Variants in TRDN observed in about 807,000 individuals in gnomAD.
TRDN encodes triadin in skeletal muscle.
TRDN carries 161 observed loss-of-function variants against 149.7 expected under a neutral mutation model. The ratio of observed to expected loss-of-function variants is 1.08; its 90% CI spans 0.95 to 1.23. The LOEUF (loss-of-function observed/expected upper bound fraction) is 1.23, where lower values mean the gene tolerates loss of function less well. TRDN is among the 50% of genes most tolerant of loss of function. TRDN has a pLI of 0.00. For synonymous variants in TRDN, 294 were observed against 250.5 expected (o/e 1.17, Z -1.64); for missense variants, 896 against 823.5 (o/e 1.09, Z -1.08).
At chr6:123,443,659 C>G (rs1027994327) in intron 10 of TRDN, among the ~76,000 whole-genome samples, 1 of 151,834 alleles carries the variant, frequency 6.6e-6, no homozygotes, top group African/African-American at 2.4e-5. Flanking sequence ...AGGGGTCAAA[C>G]GTTTAAGTCT....
rs561393276 is a variant in TRDN at position 123,449,760 on chromosome 6, A to G, written c.932-10757T>C. 8.5e-4 allele frequency among the ~76,000 whole-genome samples: 129 copies of G among 152,270 alleles called. 1 individual carries two copies. Among genetic ancestry groups the G allele is most frequent in the Non-Finnish European group, 1.5e-3 (100 of 68,006 alleles). On this transcript the variant is annotated intron_variant, in intron 10 of 40. Coordinates refer to ENST00000334268, the MANE Select transcript of TRDN (RefSeq NM_006073.4). ...TGCAAAAAGATCATCACCTAGGCAC[A>G]TTGTCATCAGGTTATCCAAAGTTAA...
chr6:123,526,496 G>A (rs763623305), intron 5 of TRDN, among the ~76,000 whole-genome samples: 5 of 152,044 alleles, frequency 3.3e-5, no homozygotes, highest in East Asian at 1.9e-4. Context: ...ATGTTCTTAC[G>A]TTAGAGATAA....
chr6:123,583,579 G>C, intron 1 of TRDN, among the ~76,000 whole-genome samples: 1 of 148,372 alleles, frequency 6.7e-6, no homozygotes, highest in African/African-American at 2.5e-5. Context: ...AATACTAGGA[G>C]CCTGAAAAAC....
chr6:123,511,444 C>T (rs950270188), intron 7 of TRDN, among the ~76,000 whole-genome samples: 1 of 151,712 alleles, frequency 6.6e-6, no homozygotes, highest in Non-Finnish European at 1.5e-5. Context: ...CACATGTACC[C>T]CATAAATATG....
intron 35 of TRDN, among the ~76,000 whole-genome samples, chr6:123,256,895 T>G (rs928099829): frequency 2.0e-4 from 31 of 152,102 alleles, no homozygotes; most frequent in Admixed American, 1.5e-3. Flanking sequence ...TCTTTGTCCA[T>G]GTCTATGTCC....
At chr6:123,476,776 C>A (rs1450023249) in intron 9 of TRDN, among the ~76,000 whole-genome samples, 2 of 150,358 alleles carry the variant, frequency 1.3e-5, no homozygotes, top group East Asian at 2.0e-4. Flanking sequence ...ACTATCTGAT[C>A]TTTGACAAAC....
At chr6:123,566,582 A>T (rs569075729) in intron 2 of TRDN, among the ~76,000 whole-genome samples, 10 of 152,322 alleles carry the variant, frequency 6.6e-5, no homozygotes, top group African/African-American at 2.4e-4. Context: ...ACTTCCAGAG[A>T]GTAACTGACA....
At chr6:123,484,360 A>T (rs1425525892) in intron 9 of TRDN, among the ~76,000 whole-genome samples, 2 of 152,216 alleles carry the variant, frequency 1.3e-5, no homozygotes, top group African/African-American at 2.4e-5. Context: ...CACACAAATA[A>T]ACCTTAGAAC....
At chr6:123,439,960 T>G (rs1774782018) in intron 10 of TRDN, among the ~76,000 whole-genome samples, 1 of 152,236 alleles carries the variant, frequency 6.6e-6, no homozygotes. Flanking sequence ...CTTTGTCAGT[T>G]GTCTCTCATC....
intron 14 of TRDN, among the ~76,000 whole-genome samples, chr6:123,384,159 C>A (rs1039813256): frequency 2.6e-5 from 4 of 152,038 alleles, no homozygotes; most frequent in Non-Finnish European, 5.9e-5. Flanking sequence ...GCAAGCAATT[C>A]AAATACACAG....
In TRDN at chr6:123,503,838, C is replaced by T; in HGVS notation, c.674G>A (p.Gly225Glu). ...EEKTKKEVKG[G>E]KQEKVKQTAA... ...TGTTTGCTTCACTTTCTCCTGTTTT[C>T]CACCTTTCACTTCCTTTTTAGTCTT... Residue 225 changes from glycine to glutamate, a missense_variant, in exon 8 of 41, where the codon GGA becomes GAA. Physicochemically the swap from Gly to Glu is moderately conservative, Grantham distance 98. Transcript: ENST00000334268. 6.2e-7 allele frequency: 1 copy of T among 1,602,620 alleles called. No individual in the cohort carries two copies. The highest frequency in any genetic ancestry group is 1.7e-4 in the Middle Eastern group (1 of 6,048).
intron 8 of TRDN, among the ~76,000 whole-genome samples, chr6:123,499,696 T>C (rs1452120262): frequency 7.8e-5 from 2 of 25,686 alleles, no homozygotes; most frequent in African/African-American, 3.0e-4. Flanking sequence ...ATAGTGAGAT[T>C]CTGGCTCAAA....
intron 1 of TRDN, 105 bp downstream of exon 1, chr6:123,636,649 T>C: frequency 1.5e-6 from 2 of 1,364,630 alleles, no homozygotes; most frequent in Non-Finnish European, 2.1e-6. Context: ...ACCAAGGCAA[T>C]TACCTTAAAG....
At chr6:123,258,620 G>T (rs1415843068) in intron 35 of TRDN, among the ~76,000 whole-genome samples, 1 of 152,148 alleles carries the variant, frequency 6.6e-6, no homozygotes, top group Non-Finnish European at 1.5e-5. Flanking sequence ...GTCTCTGCCA[G>T]GTTTTGGTGT....
At chr6:123,615,308 A>G (rs2114692768) in intron 1 of TRDN, among the ~76,000 whole-genome samples, 2 of 152,288 alleles carry the variant, frequency 1.3e-5, no homozygotes, top group Non-Finnish European at 2.9e-5. Context: ...TATATATCCA[A>G]ACGAATTGAA....
At chr6:123,290,772 TG>T (rs1321795775) in intron 24 of TRDN, among the ~76,000 whole-genome samples, 2 of 152,214 alleles carry the variant, frequency 1.3e-5, no homozygotes, top group Non-Finnish European at 2.9e-5. Context: ...AAATAATTTT[TG>T]TCTAATTTGG....
chr6:123,585,664 G>A (rs1186903035), intron 1 of TRDN, among the ~76,000 whole-genome samples: 2 of 152,302 alleles, frequency 1.3e-5, no homozygotes, highest in African/African-American at 4.8e-5. Context: ...GATTTCCAGT[G>A]GGGTTCCGTA....
chr6:123,221,071 C>A (rs148642668), intron 40 of TRDN, among the ~76,000 whole-genome samples: 1 of 151,846 alleles, frequency 6.6e-6, no homozygotes, highest in East Asian at 1.9e-4. Flanking sequence ...AATCTTGAAT[C>A]TTAGAAGTGA....
At chr6:123,344,423 A>C (rs1780178715) in intron 21 of TRDN, among the ~76,000 whole-genome samples, 1 of 151,920 alleles carries the variant, frequency 6.6e-6, no homozygotes, top group African/African-American at 2.4e-5. Context: ...TCTATGCTCC[A>C]CCTATTCACC....
Sources: allele counts gnomAD v4.1 joint callset (sites outside exome capture counted in the v4.1 genomes callset), GRCh38; gene constraint gnomAD v4.1.1; transcripts MANE v1.5; gene names NCBI Gene and HGNC (gene_info 2026-07-23, HGNC 2026-07-21).